Variants in GALNTL6 observed in about 807,000 individuals in gnomAD.
GALNTL6 encodes polypeptide N-acetylgalactosaminyltransferase like 6.
GALNTL6 carries 46 observed loss-of-function variants against 73.7 expected under a neutral mutation model. The ratio of observed to expected loss-of-function variants is 0.62; its 90% CI spans 0.49 to 0.80. The LOEUF (loss-of-function observed/expected upper bound fraction) is 0.80, where lower values mean the gene tolerates loss of function less well. Ranked by LOEUF, GALNTL6 falls within the 30% of genes least tolerant of loss-of-function variation. The probability of loss-of-function intolerance (pLI) is 0.00; values close to 1 mark genes in which losing one functional copy is unlikely to be tolerated. For synonymous variants in GALNTL6, 259 were observed against 263.7 expected (o/e 0.98, Z 0.17); for missense variants, 604 against 755.0 (o/e 0.80, Z 2.34).
At chr4:172,487,272 C>CCT (rs1733706443) in intron 5 of GALNTL6, among the ~76,000 whole-genome samples, 1 of 127,800 alleles carries the variant, frequency 7.8e-6, no homozygotes, top group Non-Finnish European at 1.6e-5. Context: ...CCTTCCTTTC[C>CCT]TCTTTCTTTC....
At chr4:172,197,465 A>G (rs1416843901) in intron 2 of GALNTL6, among the ~76,000 whole-genome samples, 1 of 152,148 alleles carries the variant, frequency 6.6e-6, no homozygotes, top group Non-Finnish European at 1.5e-5. Flanking sequence ...TCAAACCAAA[A>G]AAGAATCCAT....
intron 4 of GALNTL6, among the ~76,000 whole-genome samples, chr4:172,329,711 C>T (rs910115975): frequency 6.6e-6 from 1 of 152,148 alleles, no homozygotes; most frequent in Non-Finnish European, 1.5e-5. Context: ...ACCTCAGACC[C>T]CCTAGAGCCC....
At chr4:172,037,082 A>G (rs1357764055) in intron 2 of GALNTL6, among the ~76,000 whole-genome samples, 1 of 152,116 alleles carries the variant, frequency 6.6e-6, no homozygotes, top group Non-Finnish European at 1.5e-5. Flanking sequence ...GCACTTGGCT[A>G]TGGACTATAT....
chr4:172,575,719 T>C (rs1369498137), intron 5 of GALNTL6, among the ~76,000 whole-genome samples: 2 of 152,200 alleles, frequency 1.3e-5, no homozygotes, highest in African/African-American at 4.8e-5. Context: ...TTTGATAGTT[T>C]TCTGAAATGG....
At chr4:171,953,712 C>A (rs201760614) in intron 2 of GALNTL6, among the ~76,000 whole-genome samples, 1 of 151,848 alleles carries the variant, frequency 6.6e-6, no homozygotes. Context: ...ACATGGAGGA[C>A]AAATACAAGC....
chr4:172,868,669 C>G (rs1258336146), intron 7 of GALNTL6, among the ~76,000 whole-genome samples: 1 of 152,188 alleles, frequency 6.6e-6, no homozygotes, highest in African/African-American at 2.4e-5. Context: ...GCATTAGGAC[C>G]TGTCTCTGAA....
chr4:172,347,496 T>C (rs1741791089), intron 4 of GALNTL6, among the ~76,000 whole-genome samples: 1 of 152,186 alleles, frequency 6.6e-6, no homozygotes, highest in African/African-American at 2.4e-5. Context: ...GCACAATTAG[T>C]TGGGCTCTTT....
chr4:172,551,830 T>C (rs1331382171), intron 5 of GALNTL6, among the ~76,000 whole-genome samples: 2 of 152,138 alleles, frequency 1.3e-5, no homozygotes, highest in South Asian at 2.1e-4. Flanking sequence ...GTTGATGATG[T>C]TGATATCTAC....
chr4:172,547,688 T>G (rs1735823950), intron 5 of GALNTL6, among the ~76,000 whole-genome samples: 1 of 152,220 alleles, frequency 6.6e-6, no homozygotes, highest in Admixed American at 6.5e-5. Context: ...TTATGACATT[T>G]TTTATTAAAT....
At chr4:172,131,479 GTA>G (rs34442141) in intron 2 of GALNTL6, among the ~76,000 whole-genome samples, 3 of 142,830 alleles carry the variant, frequency 2.1e-5, no homozygotes, top group Non-Finnish European at 3.0e-5. Context: ...ATGTATACAT[GTA>G]TATATATACA....
intron 2 of GALNTL6, among the ~76,000 whole-genome samples, chr4:171,995,214 G>A (rs1036881816): frequency 2.0e-5 from 3 of 151,904 alleles, no homozygotes; most frequent in African/African-American, 7.2e-5. Flanking sequence ...GTGTTAAATA[G>A]AAAGAATATC....
intron 3 of GALNTL6, among the ~76,000 whole-genome samples, chr4:172,240,639 G>T (rs1737392945): frequency 6.6e-6 from 1 of 152,148 alleles, no homozygotes; most frequent in South Asian, 2.1e-4. Flanking sequence ...GGTCTATTCT[G>T]CTATTTGCAA....
intron 5 of GALNTL6, among the ~76,000 whole-genome samples, chr4:172,646,364 T>A (rs1740242380): frequency 6.6e-6 from 1 of 152,110 alleles, no homozygotes; most frequent in African/African-American, 2.4e-5. Context: ...TATTTATGCC[T>A]TCTTTACTTT....
At chr4:172,333,360 G>A (rs1304705854) in intron 4 of GALNTL6, among the ~76,000 whole-genome samples, 1 of 152,104 alleles carries the variant, frequency 6.6e-6, no homozygotes, top group Non-Finnish European at 1.5e-5. Flanking sequence ...AGCCGAGATC[G>A]TGCAATTGCA....
chr4:172,461,232 G>A (rs1472344282), intron 5 of GALNTL6, among the ~76,000 whole-genome samples: 3 of 152,106 alleles, frequency 2.0e-5, no homozygotes, highest in Non-Finnish European at 4.4e-5. Context: ...TGGGGCTAGG[G>A]GAGGGATAGC....
intron 2 of GALNTL6, among the ~76,000 whole-genome samples, chr4:171,921,687 T>G (rs2110979709): frequency 6.6e-6 from 1 of 152,230 alleles, no homozygotes; most frequent in Non-Finnish European, 1.5e-5. Flanking sequence ...TGCAAATTAT[T>G]TCTTCAATTT....
intron 5 of GALNTL6, among the ~76,000 whole-genome samples, chr4:172,803,973 C>T (rs1349376940): frequency 6.6e-6 from 1 of 152,082 alleles, no homozygotes; most frequent in African/African-American, 2.4e-5. Flanking sequence ...TCTACTAGGA[C>T]ACGAAGAGAT....
At position 172,238,597 on chromosome 4, in the gene GALNTL6, C is replaced by G. The variant is rs535365543; in HGVS notation, c.247+8833C>G. ...CTATTTAGATGCTTTTTATTTCTTT[C>G]TCTTGCCCAATTGCTCTGACTAGGA... is the stretch of plus-strand genomic sequence containing the variant. On this transcript the variant is annotated intron_variant, in intron 3 of 12. Transcript: ENST00000506823. 2.0e-5 allele frequency among the ~76,000 whole-genome samples: 3 copies of G among 150,812 alleles called. No homozygotes were observed. The East Asian group carries it at 5.8e-4, about 29-fold the overall frequency.
intron 5 of GALNTL6, among the ~76,000 whole-genome samples, chr4:172,448,257 T>C (rs543475322): frequency 1.6e-4 from 25 of 152,204 alleles, no homozygotes; most frequent in Non-Finnish European, 3.2e-4. Flanking sequence ...ATTTGTTATA[T>C]CAAACAGCCT....
Sources: gnomAD v4.1 joint callset for allele counts (sites outside exome capture counted in the v4.1 genomes callset) on GRCh38, gnomAD v4.1.1 for gene constraint, MANE v1.5 for transcripts, NCBI Gene and HGNC (gene_info 2026-07-23, HGNC 2026-07-21) for gene names.